The following PRKG1 variants were observed in gnomAD, a reference collection of about 807,000 sequenced individuals.
The protein encoded by PRKG1 is cGMP-dependent protein kinase 1.
In PRKG1, 35 loss-of-function variants were observed where a neutral mutation model predicts 88.1. That is an observed-to-expected ratio of 0.40 (90% CI 0.30 to 0.53). The LOEUF is 0.53. Among genes scored for constraint, PRKG1 ranks in the 20% least tolerant of loss-of-function variants. The probability of loss-of-function intolerance (pLI) is 0.59; values close to 1 mark genes in which losing one functional copy is unlikely to be tolerated. For missense variants in PRKG1, 540 were observed against 839.8 expected (o/e 0.64, Z 4.41); for synonymous variants, 303 against 292.5 (o/e 1.04, Z -0.37).
intron 2 of PRKG1, among the ~76,000 whole-genome samples, chr10:51,293,486 A>G (rs76757458): frequency 0.063 from 9,655 of 152,048 alleles, 1,007 homozygotes; most frequent in African/African-American, 0.22. Context: ...TTGTCTTTCT[A>G]TGTTTGGCTT....
intron 1 of PRKG1, among the ~76,000 whole-genome samples, chr10:51,092,115 G>A (rs1237604216): frequency 6.6e-6 from 1 of 152,172 alleles, no homozygotes; most frequent in African/African-American, 2.4e-5. Context: ...TTAAAGATAA[G>A]CACTGATCCC....
intron 4 of PRKG1, among the ~76,000 whole-genome samples, chr10:51,806,385 C>T (rs1241505385): frequency 6.6e-6 from 1 of 152,128 alleles, no homozygotes; most frequent in African/African-American, 2.4e-5. Context: ...TCAATCTGTG[C>T]ATACGCACGT....
At chr10:51,252,729 A>G (rs908146728) in intron 2 of PRKG1, among the ~76,000 whole-genome samples, 2 of 151,818 alleles carry the variant, frequency 1.3e-5, no homozygotes, top group Non-Finnish European at 2.9e-5. Flanking sequence ...TAGCTGCTTT[A>G]TATTGAATAG....
intron 3 of PRKG1, among the ~76,000 whole-genome samples, chr10:51,614,566 A>C (rs1432614126): frequency 3.3e-5 from 5 of 151,934 alleles, no homozygotes; most frequent in Non-Finnish European, 7.4e-5. Context: ...TGTTTCTATC[A>C]TATTGTTAAT....
chr10:51,714,239 A>G (rs1841832856), intron 3 of PRKG1, among the ~76,000 whole-genome samples: 2 of 152,260 alleles, frequency 1.3e-5, no homozygotes, highest in South Asian at 2.1e-4. Context: ...CGGCCTCCCA[A>G]AGTGCTGGGA....
chr10:51,398,695 G>T (rs1837648236), intron 2 of PRKG1, among the ~76,000 whole-genome samples: 1 of 152,210 alleles, frequency 6.6e-6, no homozygotes, highest in South Asian at 2.1e-4. Context: ...ATCCACGAAG[G>T]TGTTTTTAGA....
chr10:51,067,916 C>T (rs1291966651), intron 1 of PRKG1, among the ~76,000 whole-genome samples: 1 of 152,008 alleles, frequency 6.6e-6, no homozygotes, highest in Non-Finnish European at 1.5e-5. Flanking sequence ...GATTAAATGC[C>T]TGTGCTTTCA....
At chr10:51,505,780 G>T (rs147732169) in intron 3 of PRKG1, among the ~76,000 whole-genome samples, 2 of 152,082 alleles carry the variant, frequency 1.3e-5, no homozygotes, top group South Asian at 4.1e-4. Context: ...AGTATTCTCT[G>T]ATGGTAGTTT....
intron 1 of PRKG1, among the ~76,000 whole-genome samples, chr10:51,115,308 C>A (rs1208191523): frequency 7.2e-5 from 6 of 83,788 alleles, no homozygotes; most frequent in Non-Finnish European, 1.3e-4. Flanking sequence ...AGCGAGACTC[C>A]ATCTCGGGGC....
chr10:52,125,570 G>A (rs1055355061), intron 7 of PRKG1, among the ~76,000 whole-genome samples: 2 of 152,104 alleles, frequency 1.3e-5, no homozygotes, highest in African/African-American at 4.8e-5. Flanking sequence ...GAACCCGATT[G>A]CCCTCAATTG....
At chr10:51,774,140 G>A (rs1838375978) in intron 3 of PRKG1, among the ~76,000 whole-genome samples, 1 of 151,954 alleles carries the variant, frequency 6.6e-6, no homozygotes, top group Non-Finnish European at 1.5e-5. Flanking sequence ...AGAAAATTAA[G>A]CACCCATTTA....
At position 51,611,152 on chromosome 10, in the gene PRKG1, T is replaced by C. The variant is rs546896947; in HGVS notation, c.592+143316T>C. Among the ~76,000 whole-genome samples the C allele has an allele frequency of 4.6e-5, 7 of 152,344 alleles. No individual in the cohort carries two copies. The South Asian group carries it at 1.4e-3, about 32-fold the overall frequency. ...TTTGGATAAATACACAGTAGTGGGA[T>C]TGCTGGATAGTGTGACAGTATTGTT... On this transcript the variant is annotated intron_variant, in intron 3 of 17. Transcript: ENST00000373980.
chr10:51,902,479 A>C (rs1447383378), intron 4 of PRKG1, among the ~76,000 whole-genome samples: 1 of 152,198 alleles, frequency 6.6e-6, no homozygotes. Context: ...AAGTAAGATA[A>C]AATTTTAAAT....
chr10:51,976,583 G>C (rs907957579), intron 5 of PRKG1, among the ~76,000 whole-genome samples: 1 of 151,946 alleles, frequency 6.6e-6, no homozygotes, highest in Non-Finnish European at 1.5e-5. Flanking sequence ...ATTCATTATT[G>C]CTGGAGGCTG....
chr10:51,804,747 CTGAAATGCAGCACCCTGAAT>C, intron 4 of PRKG1, 57 bp downstream of exon 4: 1 of 1,244,036 alleles, frequency 8.0e-7, no homozygotes, highest in East Asian at 2.4e-5. Flanking sequence ...GCCCTATTAT[CTGAAATGCAGCACCCTGAAT>C]TTCAGGGTGC....
At chr10:51,094,646 AC>A (rs2131870537) in intron 1 of PRKG1, among the ~76,000 whole-genome samples, 1 of 152,180 alleles carries the variant, frequency 6.6e-6, no homozygotes, top group African/African-American at 2.4e-5. Flanking sequence ...CCATAAAAAA[AC>A]GTATCTACAT....
chr10:51,736,090 C>T (rs1350452451), intron 3 of PRKG1, among the ~76,000 whole-genome samples: 2 of 151,196 alleles, frequency 1.3e-5, no homozygotes, highest in African/African-American at 4.9e-5. Context: ...TGGGGTTTTG[C>T]CATGTTGGCC....
intron 4 of PRKG1, among the ~76,000 whole-genome samples, chr10:51,837,998 C>G (rs1840174180): frequency 6.6e-6 from 1 of 152,112 alleles, no homozygotes; most frequent in African/African-American, 2.4e-5. Context: ...AGACTTTTGA[C>G]ACTTTAGTCC....
chr10:52,281,236 GC>G (rs1841996357), intron 13 of PRKG1, among the ~76,000 whole-genome samples: 1 of 152,050 alleles, frequency 6.6e-6, no homozygotes, highest in South Asian at 2.1e-4. Context: ...TCAGCTTTTT[GC>G]CATTCATAAG....
Sources: allele counts gnomAD v4.1 joint callset (sites outside exome capture counted in the v4.1 genomes callset), GRCh38; gene constraint gnomAD v4.1.1; transcripts MANE v1.5; gene names NCBI Gene and HGNC (gene_info 2026-07-23, HGNC 2026-07-21).